Variants in SCAI observed in about 807,000 individuals in gnomAD.
SCAI encodes the protein suppressor of cancer cell invasion.
Under a neutral mutation model 92.2 loss-of-function variants are expected in SCAI, and 24 were observed. That is an observed-to-expected ratio of 0.26 (90% CI 0.19 to 0.37). The LOEUF is 0.37. Ranked by LOEUF, SCAI falls within the 10% of genes least tolerant of loss-of-function variation. The pLI, the probability that SCAI is intolerant of heterozygous loss-of-function variation, is 1.00. For synonymous variants in SCAI, 261 were observed against 258.6 expected (o/e 1.01, Z -0.09); for missense variants, 450 against 736.2 (o/e 0.61, Z 4.50).
At chr9:124,971,242 T>C (rs1206925773) in intron 17 of SCAI, 128 bp downstream of exon 17, 1 of 495,796 alleles carries the variant, frequency 2.0e-6, no homozygotes, top group Non-Finnish European at 3.5e-6. Context: ...CATTTGTAAA[T>C]ATTATTTTGA....
chr9:125,065,604 T>C (rs1833855749), intron 2 of SCAI, among the ~76,000 whole-genome samples: 1 of 152,216 alleles, frequency 6.6e-6, no homozygotes, highest in Non-Finnish European at 1.5e-5. Flanking sequence ...AACATAATTT[T>C]GATACCAAAC....
chr9:124,965,573 C>T (rs937997559), intron 17 of SCAI, among the ~76,000 whole-genome samples: 34 of 152,124 alleles, frequency 2.2e-4, no homozygotes, highest in African/African-American at 5.8e-4. Context: ...CCTACATAAA[C>T]GCTACATTTT....
intron 11 of SCAI, 132 bp downstream of exon 11, chr9:125,002,982 C>A: frequency 1.7e-6 from 1 of 589,770 alleles, no homozygotes. Context: ...TTATCAGGAT[C>A]ATTACTCTAA....
At chr9:125,099,143 T>C (rs1423918432) in intron 2 of SCAI, among the ~76,000 whole-genome samples, 3 of 152,232 alleles carry the variant, frequency 2.0e-5, no homozygotes, top group African/African-American at 7.2e-5. Flanking sequence ...GTTAGCTACA[T>C]TCTTGGCATC....
chr9:125,110,123 A>G lies in SCAI; in HGVS notation c.98+32510T>C, dbSNP rs182374328. Among the ~76,000 whole-genome samples, 22 of 152,352 alleles carry G rather than the reference A, an allele frequency of 1.4e-4. No individual in the cohort carries two copies. In the East Asian group the frequency reaches 4.0e-3, roughly 28 times the overall value. On this transcript the variant is annotated intron_variant, in intron 2 of 17. Transcript: ENST00000336505. ...AGGATAAAAGAGTTTACAAATTTAA[A>G]CATACGTATTATGTTGGTATGACAC...
intron 9 of SCAI, among the ~76,000 whole-genome samples, chr9:125,004,748 TATATATATATATATATATATA>T (rs1832441584): frequency 1.4e-4 from 2 of 14,012 alleles, no homozygotes; most frequent in South Asian, 3.7e-3. Flanking sequence ...TATATATATA[TATATATATATATATATATATA>T]TATATATATA....
chr9:125,003,251 C>T (rs370014851), intron 10 of SCAI, 36 bp from the exon 11 acceptor site: 1 of 1,473,942 alleles, frequency 6.8e-7, no homozygotes, highest in African/African-American at 1.4e-5. Flanking sequence ...TACATAAAAG[C>T]TGCATTTGAC....
chr9:124,961,238 A>G (rs187585809), intron 17 of SCAI, among the ~76,000 whole-genome samples: 3 of 151,892 alleles, frequency 2.0e-5, no homozygotes, highest in Non-Finnish European at 4.4e-5. Context: ...GTTCAAGATC[A>G]GCCTAGGCAA....
chr9:125,064,765 G>T (rs1415758415), intron 2 of SCAI, among the ~76,000 whole-genome samples: 1 of 152,144 alleles, frequency 6.6e-6, no homozygotes, highest in Non-Finnish European at 1.5e-5. Context: ...AAAATCACTT[G>T]AACCCAGGAG....
intron 17 of SCAI, among the ~76,000 whole-genome samples, chr9:124,954,944 TTA>T (rs1313860279): frequency 6.6e-6 from 1 of 151,950 alleles, no homozygotes; most frequent in African/African-American, 2.4e-5. Context: ...AGCAGGCGGA[TTA>T]TCTGAGGTCA....
chr9:125,100,969 A>C (rs1834665794), intron 2 of SCAI, among the ~76,000 whole-genome samples: 1 of 152,168 alleles, frequency 6.6e-6, no homozygotes, highest in Non-Finnish European at 1.5e-5. Context: ...GCATGCCTAC[A>C]ATCCCAGCTA....
chr9:124,957,141 G>T (rs1035188839), intron 17 of SCAI, among the ~76,000 whole-genome samples: 1 of 151,908 alleles, frequency 6.6e-6, no homozygotes, highest in Non-Finnish European at 1.5e-5. Flanking sequence ...ATGGGCATGT[G>T]CCACCACAGC....
At chr9:125,032,191 A>T (rs1253536190) in intron 3 of SCAI, among the ~76,000 whole-genome samples, 1,888 of 80,472 alleles carry the variant, frequency 0.023, 23 homozygotes, top group African/African-American at 0.027. Context: ...ATATATATAT[A>T]TATATTTTTT....
intron 9 of SCAI, among the ~76,000 whole-genome samples, chr9:125,007,010 T>C (rs1183005206): frequency 1.3e-5 from 2 of 151,920 alleles, no homozygotes; most frequent in Non-Finnish European, 2.9e-5. Context: ...TCCTGGCTAC[T>C]GGGGAGTTTG....
chr9:125,090,310 AAGAGGAAGG>A (rs1412787248), intron 2 of SCAI, among the ~76,000 whole-genome samples: 6 of 152,152 alleles, frequency 3.9e-5, no homozygotes, highest in Admixed American at 1.3e-4. Flanking sequence ...AGATAAGAAG[AAGAGGAAGG>A]AGAGGAAAAC....
intron 2 of SCAI, among the ~76,000 whole-genome samples, chr9:125,110,150 A>T (rs1192626036): frequency 6.6e-6 from 1 of 152,254 alleles, no homozygotes. Context: ...GTATGACACC[A>T]TTTGAAAAAG....
At chr9:125,142,053 C>G (rs1835679159) in intron 2 of SCAI, among the ~76,000 whole-genome samples, 2 of 152,202 alleles carry the variant, frequency 1.3e-5, no homozygotes, top group African/African-American at 4.8e-5. Flanking sequence ...ACCTCAGCCT[C>G]TTGAGAAGCT....
At chr9:125,000,609 A>T (rs1477932465) in intron 12 of SCAI, among the ~76,000 whole-genome samples, 1 of 151,946 alleles carries the variant, frequency 6.6e-6, no homozygotes, top group African/African-American at 2.4e-5. Flanking sequence ...CTCAGAAAAA[A>T]AAAAAGAAGT....
At chr9:125,004,748 TATATATATATATATATATA>T (rs1832441499) in intron 9 of SCAI, among the ~76,000 whole-genome samples, 3 of 14,010 alleles carry the variant, frequency 2.1e-4, no homozygotes, top group African/African-American at 2.6e-4. Flanking sequence ...TATATATATA[TATATATATATATATATATA>T]TATATATATA....
Sources: gnomAD v4.1 joint callset for allele counts (sites outside exome capture counted in the v4.1 genomes callset) on GRCh38, gnomAD v4.1.1 for gene constraint, MANE v1.5 for transcripts, NCBI Gene and HGNC (gene_info 2026-07-23, HGNC 2026-07-21) for gene names.